Variants in PCSK5 observed in about 807,000 individuals in gnomAD.
The protein encoded by PCSK5 is proprotein convertase subtilisin/kexin type 5.
In PCSK5, 129 loss-of-function variants were observed where a neutral mutation model predicts 233.2. The ratio of observed to expected loss-of-function variants is 0.55; its 90% CI spans 0.48 to 0.64. The LOEUF (loss-of-function observed/expected upper bound fraction) is 0.64, where lower values mean the gene tolerates loss of function less well. PCSK5 is among the 30% of genes least tolerant of loss of function. The pLI, the probability that PCSK5 is intolerant of heterozygous loss-of-function variation, is 0.00. For missense variants in PCSK5, 2,076 were observed against 2,430.1 expected, an observed-to-expected ratio of 0.85 and a Z score of 3.06; for synonymous variants, 825 against 879.2, an observed-to-expected ratio of 0.94 and a Z score of 1.09.
intron 24 of PCSK5, among the ~76,000 whole-genome samples, chr9:76,285,193 T>C (rs1053932604): frequency 3.3e-5 from 5 of 152,020 alleles, no homozygotes; most frequent in Non-Finnish European, 7.4e-5. Flanking sequence ...CCAACCTGAA[T>C]CCTGGGAAGT....
intron 10 of PCSK5, among the ~76,000 whole-genome samples, chr9:76,146,032 TC>T (rs1195738322): frequency 6.6e-6 from 1 of 151,764 alleles, no homozygotes; most frequent in Non-Finnish European, 1.5e-5. Context: ...AGATCCAGAC[TC>T]TTTTTTTTTT....
chr9:76,169,431 T>A lies in PCSK5; in HGVS notation c.1620-273T>A, dbSNP rs565891360. Reference sequence around the variant, plus strand: ...TCTACTGTCAGTCTTGTAGGTAGAGTCTTAACCTGGTTTTCCTGATCCCCA... The same window carrying A: ...TCTACTGTCAGTCTTGTAGGTAGAGACTTAACCTGGTTTTCCTGATCCCCA... On this transcript the variant is annotated intron_variant, in intron 12 of 37. Coordinates refer to ENST00000674117, the MANE Select transcript of PCSK5 (RefSeq NM_001372043.1). 8.6e-5 allele frequency among the ~76,000 whole-genome samples: 13 copies of A among 152,012 alleles called. 1 individual carries two copies. In the South Asian group the frequency reaches 2.7e-3, roughly 32 times the overall value.
intron 5 of PCSK5, among the ~76,000 whole-genome samples, chr9:76,036,461 G>T (rs1171916722): frequency 2.6e-5 from 4 of 152,152 alleles, no homozygotes; most frequent in African/African-American, 9.7e-5. Flanking sequence ...AGGAGACCTA[G>T]GTACCAGCCC....
chr9:76,333,776 G>C (rs577687070), intron 34 of PCSK5, among the ~76,000 whole-genome samples: 2 of 152,128 alleles, frequency 1.3e-5, no homozygotes, highest in East Asian at 1.9e-4. Flanking sequence ...ACATCTCTTC[G>C]GTCCTATAGC....
intron 12 of PCSK5, among the ~76,000 whole-genome samples, chr9:76,167,951 C>T (rs1312569742): frequency 2.6e-5 from 4 of 152,124 alleles, no homozygotes; most frequent in Admixed American, 6.6e-5. Flanking sequence ...CTGTTTGCCT[C>T]GCTCACTTGC....
intron 1 of PCSK5, among the ~76,000 whole-genome samples, chr9:75,895,385 A>G (rs1233333741): frequency 6.6e-6 from 1 of 152,256 alleles, no homozygotes. Flanking sequence ...ATTGAGATCC[A>G]AAGTTTTAGA....
At chr9:76,033,666 A>C (rs1828739501) in intron 5 of PCSK5, among the ~76,000 whole-genome samples, 1 of 152,140 alleles carries the variant, frequency 6.6e-6, no homozygotes, top group African/African-American at 2.4e-5. Flanking sequence ...TGGGTAATTT[A>C]TAAGTAATAG....
Position 76,240,572 on chromosome 9 carries a change from C to T in PCSK5, c.3074-44C>T, listed in dbSNP as rs922187716. Reference sequence around the variant, plus strand: ...TTTTGTAGCAATTAACGTGTCTCCACTCAATGGAAATGAGTTGTGTTTTTC... The same window carrying T: ...TTTTGTAGCAATTAACGTGTCTCCATTCAATGGAAATGAGTTGTGTTTTTC... On this transcript the variant is annotated intron_variant, in intron 23 of 37. Coordinates refer to ENST00000674117, the MANE Select transcript of PCSK5 (RefSeq NM_001372043.1). 3.0e-6 allele frequency: 4 copies of T among 1,325,652 alleles called. No individual in the cohort carries two copies. In the East Asian group the frequency reaches 9.8e-5, roughly 33 times the overall value. The allele number at this position is 1,325,652 out of a possible 1,614,324, so 82.1% of individuals were successfully genotyped here.
intron 5 of PCSK5, among the ~76,000 whole-genome samples, chr9:76,043,183 A>G (rs1016627396): frequency 6.6e-6 from 1 of 151,880 alleles, no homozygotes; most frequent in African/African-American, 2.4e-5. Context: ...CGTCTCTACT[A>G]AAAATACAAA....
chr9:76,170,091 T>C (rs1823266131), intron 13 of PCSK5, among the ~76,000 whole-genome samples: 1 of 152,254 alleles, frequency 6.6e-6, no homozygotes, highest in African/African-American at 2.4e-5. Flanking sequence ...TGTTTCAGAA[T>C]ACATGATCCA....
At chr9:76,169,180 A>C (rs1238438444) in intron 12 of PCSK5, among the ~76,000 whole-genome samples, 1 of 152,126 alleles carries the variant, frequency 6.6e-6, no homozygotes, top group Non-Finnish European at 1.5e-5. Context: ...TGGACACTTG[A>C]GTTGTTTACA....
intron 17 of PCSK5, among the ~76,000 whole-genome samples, chr9:76,187,104 T>G (rs1824139884): frequency 6.6e-6 from 1 of 152,190 alleles, no homozygotes; most frequent in African/African-American, 2.4e-5. Context: ...TTTCTTCAAC[T>G]TTGTTTTTGT....
At chr9:76,186,929 G>T (rs1587733021) in intron 17 of PCSK5, among the ~76,000 whole-genome samples, 1 of 152,030 alleles carries the variant, frequency 6.6e-6, no homozygotes, top group Non-Finnish European at 1.5e-5. Flanking sequence ...TCTCCTTGAG[G>T]CCCCTTGCAT....
rs887809055 is a variant in PCSK5, at chr9:76,360,504, T to C, written c.*1582T>C. ...ATAATTAAAGTCATGCCTATTGTTT[T>C]AGTCTATAATATCAATGTTATCTTT... is the stretch of plus-strand genomic sequence containing the variant. On this transcript the variant is annotated 3_prime_UTR_variant, in exon 38 of 38. Coordinates refer to ENST00000674117, the MANE Select transcript of PCSK5 (RefSeq NM_001372043.1). 1 of 152,250 alleles carries C rather than the reference T, an allele frequency of 6.6e-6. No homozygotes were observed. The highest frequency in any genetic ancestry group is 2.4e-5 in the African/African-American group (1 of 41,462). The allele number at this position is 152,250 out of a possible 1,614,324, so 9.4% of individuals were successfully genotyped here.
At chr9:76,350,962 C>A in intron 36 of PCSK5, 34 bp downstream of exon 36, 1 of 1,087,620 alleles carries the variant, frequency 9.2e-7, no homozygotes, top group East Asian at 2.4e-5. Flanking sequence ...GCCTTCTGCT[C>A]TTTCTAGAGG....
At chr9:76,330,574 C>T (rs985667679) in intron 33 of PCSK5, among the ~76,000 whole-genome samples, 2 of 151,748 alleles carry the variant, frequency 1.3e-5, no homozygotes, top group African/African-American at 4.8e-5. Flanking sequence ...CATAGTGAGA[C>T]TTCATCTCTA....
chr9:75,921,564 G>A (rs955817186), intron 1 of PCSK5, among the ~76,000 whole-genome samples: 9 of 149,684 alleles, frequency 6.0e-5, no homozygotes, highest in Admixed American at 6.6e-5. Context: ...TCTCTATTTC[G>A]TTTGTGTGTG....
intron 2 of PCSK5, among the ~76,000 whole-genome samples, chr9:75,974,228 C>A (rs565933617): frequency 4.9e-4 from 74 of 152,232 alleles, no homozygotes; most frequent in Middle Eastern, 6.8e-3. Flanking sequence ...GCTGGGGCAC[C>A]GCTCGCCTTC....
chr9:75,903,562 ATG>A (rs139359219), intron 1 of PCSK5, among the ~76,000 whole-genome samples: 3 of 136,692 alleles, frequency 2.2e-5, no homozygotes, highest in Non-Finnish European at 3.1e-5. Context: ...GTGTGTATAT[ATG>A]TGTGTGTGTG....
Sources: allele counts gnomAD v4.1 joint callset (sites outside exome capture counted in the v4.1 genomes callset), GRCh38; gene constraint gnomAD v4.1.1; transcripts MANE v1.5; gene names NCBI Gene and HGNC (gene_info 2026-07-23, HGNC 2026-07-21).